The following TCF12 variants were observed in gnomAD, a reference collection of about 807,000 sequenced individuals.
The protein encoded by TCF12 is DNA-binding protein HTF4.
In TCF12, 45 loss-of-function variants were observed where a neutral mutation model predicts 86.0. The observed-to-expected ratio is 0.52, with a 90% confidence interval of 0.41 to 0.67. The LOEUF (loss-of-function observed/expected upper bound fraction) is 0.67, where lower values mean the gene tolerates loss of function less well. TCF12 is among the 30% of genes least tolerant of loss of function. The pLI is 0.00. For missense variants in TCF12, 881 were observed against 859.9 expected (o/e 1.02, Z -0.31); for synonymous variants, 330 against 299.6 (o/e 1.10, Z -1.05).
intron 3 of TCF12, among the ~76,000 whole-genome samples, chr15:56,988,063 A>G (rs574621111): frequency 4.4e-4 from 67 of 152,344 alleles, no homozygotes; most frequent in South Asian, 3.1e-3. Flanking sequence ...TAAAACATAT[A>G]GGCAGTGATT....
chr15:57,137,410 A>T (rs2052631506), intron 5 of TCF12, among the ~76,000 whole-genome samples: 1 of 152,258 alleles, frequency 6.6e-6, no homozygotes, highest in Non-Finnish European at 1.5e-5. Flanking sequence ...CCACTTTGGT[A>T]AAAGTTTGAC....
intron 3 of TCF12, among the ~76,000 whole-genome samples, chr15:57,018,318 A>G (rs776114082): frequency 6.6e-6 from 1 of 152,192 alleles, no homozygotes; most frequent in Non-Finnish European, 1.5e-5. Context: ...TTGTTAAGCT[A>G]TGTGTGTGGC....
intron 4 of TCF12, among the ~76,000 whole-genome samples, chr15:57,082,745 A>C (rs2151069632): frequency 6.6e-6 from 1 of 152,332 alleles, no homozygotes; most frequent in East Asian, 1.9e-4. Context: ...TCTAGAGAAC[A>C]GTTTGGCAAT....
At chr15:57,219,197 A>G in intron 8 of TCF12, 1 of 1,091,160 alleles carries the variant, frequency 9.2e-7, no homozygotes, top group Non-Finnish European at 1.1e-6. Flanking sequence ...GACAAATCTA[A>G]TAATTTCTTG....
chr15:56,956,194 A>G (rs1201164231), intron 3 of TCF12, among the ~76,000 whole-genome samples: 3 of 151,708 alleles, frequency 2.0e-5, no homozygotes, highest in South Asian at 2.1e-4. Context: ...TTTGCTTTTA[A>G]TTTGGAACAT....
intron 6 of TCF12, among the ~76,000 whole-genome samples, chr15:57,172,928 C>G (rs2055620662): frequency 6.7e-6 from 1 of 149,872 alleles, no homozygotes; most frequent in Non-Finnish European, 1.5e-5. Flanking sequence ...TAGTTAGACT[C>G]TGTCTCTATT....
chr15:57,112,299 T>C (rs532690617), intron 5 of TCF12, among the ~76,000 whole-genome samples: 14 of 152,292 alleles, frequency 9.2e-5, no homozygotes, highest in African/African-American at 3.1e-4. Flanking sequence ...GATCTAAGAC[T>C]GTAGTGCAAA....
intron 8 of TCF12, among the ~76,000 whole-genome samples, chr15:57,203,774 G>A (rs183186144): frequency 1.4e-4 from 21 of 152,216 alleles, no homozygotes; most frequent in East Asian, 3.9e-4. Flanking sequence ...GTCAGGGCAC[G>A]GTGGCTGTAG....
At chr15:56,990,603 T>G (rs1340047863) in intron 3 of TCF12, among the ~76,000 whole-genome samples, 1 of 152,118 alleles carries the variant, frequency 6.6e-6, no homozygotes, top group Non-Finnish European at 1.5e-5. Flanking sequence ...TAAATTCTAT[T>G]GCAGATTTGT....
At chr15:57,227,556 T>C (rs1417646141) in intron 8 of TCF12, among the ~76,000 whole-genome samples, 1 of 152,164 alleles carries the variant, frequency 6.6e-6, no homozygotes, top group African/African-American at 2.4e-5. Flanking sequence ...TAAAAGTTGC[T>C]TTACGGTGAG....
chr15:57,176,377 G>C (rs2055911711), intron 6 of TCF12, among the ~76,000 whole-genome samples: 1 of 152,148 alleles, frequency 6.6e-6, no homozygotes, highest in Non-Finnish European at 1.5e-5. Flanking sequence ...ATACTACCCA[G>C]CAAACTACAT....
At chr15:57,034,827 C>T (rs2066405745) in intron 3 of TCF12, among the ~76,000 whole-genome samples, 1 of 152,130 alleles carries the variant, frequency 6.6e-6, no homozygotes, top group Non-Finnish European at 1.5e-5. Flanking sequence ...ATTTCCATTT[C>T]ACAATACTGC....
intron 8 of TCF12, among the ~76,000 whole-genome samples, chr15:57,221,220 C>G (rs1279717360): frequency 6.6e-6 from 1 of 152,184 alleles, no homozygotes; most frequent in African/African-American, 2.4e-5. Flanking sequence ...CCCATATAAG[C>G]AGAGCTTTGG....
chr15:57,159,670 A>G (rs2054356875), intron 5 of TCF12, among the ~76,000 whole-genome samples: 1 of 151,444 alleles, frequency 6.6e-6, no homozygotes. Flanking sequence ...ACATCCAGGA[A>G]TTGTTTCTAG....
chr15:56,981,542 C>T (rs191339973), intron 3 of TCF12, among the ~76,000 whole-genome samples: 1 of 152,220 alleles, frequency 6.6e-6, no homozygotes, highest in East Asian at 1.9e-4. Flanking sequence ...GATTAAGTTT[C>T]AACATGAGTT....
chr15:57,212,930 C>A (rs1392116477), intron 8 of TCF12, among the ~76,000 whole-genome samples: 1 of 152,076 alleles, frequency 6.6e-6, no homozygotes, highest in Non-Finnish European at 1.5e-5. Flanking sequence ...CCTGAGTAGC[C>A]CATCTTATAT....
chr15:57,185,436 C>T (rs1388537682), intron 6 of TCF12, among the ~76,000 whole-genome samples: 1 of 151,986 alleles, frequency 6.6e-6, no homozygotes, highest in African/African-American at 2.4e-5. Flanking sequence ...AAGCAAGCAC[C>T]AAATCAGTAA....
chr15:56,967,671 G>A (rs1173192123), intron 3 of TCF12, among the ~76,000 whole-genome samples: 2 of 152,188 alleles, frequency 1.3e-5, no homozygotes, highest in African/African-American at 4.8e-5. Flanking sequence ...ATTGGGACTT[G>A]TTCTGGTTTC....
Position 57,273,352 on chromosome 15 carries a change from T to G in TCF12, c.1978+90T>G. On this transcript the variant is annotated intron_variant, in intron 19 of 20. Transcript: ENST00000333725. ...GTTGCTCTTCTGCTTGGAGAAGTTGTTTGTTATTTCTCCCAGTACTTCTTC... is the reference window on the plus strand; with the variant it reads ...GTTGCTCTTCTGCTTGGAGAAGTTGGTTGTTATTTCTCCCAGTACTTCTTC... 3 of 1,342,052 alleles carry G rather than the reference T, an allele frequency of 2.2e-6. No homozygotes were observed. In the South Asian group the frequency reaches 4.0e-5, roughly 18 times the overall value. 83.1% of individuals were successfully genotyped at this position (1,342,052 alleles called of 1,614,324 possible).
Sources: gnomAD v4.1 joint callset for allele counts (sites outside exome capture counted in the v4.1 genomes callset) on GRCh38, gnomAD v4.1.1 for gene constraint, MANE v1.5 for transcripts, NCBI Gene and HGNC (gene_info 2026-07-23, HGNC 2026-07-21) for gene names.